The following MAPK10 variants were observed in gnomAD, a reference collection of about 807,000 sequenced individuals.
MAPK10 encodes JNK3 alpha protein kinase.
MAPK10 carries 25 observed loss-of-function variants against 59.3 expected under a neutral mutation model. The ratio of observed to expected loss-of-function variants is 0.42; its 90% CI spans 0.31 to 0.59. The LOEUF (loss-of-function observed/expected upper bound fraction) is 0.59, where lower values mean the gene tolerates loss of function less well. Among genes scored for constraint, MAPK10 ranks in the 20% least tolerant of loss-of-function variants. The probability of loss-of-function intolerance (pLI) is 0.15; values close to 1 mark genes in which losing one functional copy is unlikely to be tolerated. For synonymous variants in MAPK10, 190 were observed against 200.5 expected (o/e 0.95, Z 0.44); for missense variants, 351 against 568.9 (o/e 0.62, Z 3.90).
intron 2 of MAPK10, among the ~76,000 whole-genome samples, chr4:86,211,859 A>G (rs1026192490): frequency 6.6e-6 from 1 of 152,170 alleles, no homozygotes; most frequent in South Asian, 2.1e-4. Flanking sequence ...TACTGAAGTT[A>G]AGTTGGTATA....
In MAPK10 at chr4:86,320,761, G is replaced by C. The variant is rs6844802; in HGVS notation, c.-7+33769C>G. Among the ~76,000 whole-genome samples the C allele has an allele frequency of 9.0e-3, 1,373 of 152,238 alleles. 13 individuals are homozygous for C. Among genetic ancestry groups the C allele is most frequent in the African/African-American group, 0.031 (1,298 of 41,528 alleles). On this transcript the variant is annotated intron_variant, in intron 2 of 13. Coordinates refer to ENST00000641462, the MANE Select transcript of MAPK10 (RefSeq NM_138982.4). ...CTATGTCCTGAATGGTAATGCCTAG[G>C]TGTTCTTCTAGGGTTTTTATGGTTT...
At chr4:86,541,949 A>ACACACCGG (rs1758730242) in intron 1 of MAPK10, among the ~76,000 whole-genome samples, 1 of 13,300 alleles carries the variant, frequency 7.5e-5, no homozygotes, top group Non-Finnish European at 3.6e-4. Context: ...ATACACCGGC[A>ACACACCGG]CACACACACA....
At chr4:86,431,384 A>G (rs549012062) in intron 1 of MAPK10, among the ~76,000 whole-genome samples, 54 of 152,368 alleles carry the variant, frequency 3.5e-4, no homozygotes, top group African/African-American at 1.3e-3. Flanking sequence ...CACTTAAAAT[A>G]TTGACAACAT....
intron 1 of MAPK10, among the ~76,000 whole-genome samples, chr4:86,576,245 G>C (rs1435532316): frequency 6.6e-6 from 1 of 151,970 alleles, no homozygotes; most frequent in East Asian, 1.9e-4. Context: ...AGTGGAAAAA[G>C]ATGACATCTA....
chr4:86,018,839 A>C (rs1744757010), intron 13 of MAPK10, among the ~76,000 whole-genome samples: 2 of 152,246 alleles, frequency 1.3e-5, no homozygotes, highest in South Asian at 4.1e-4. Context: ...TATTTGGTGA[A>C]AAATAATAAC....
At chr4:86,494,180 C>T (rs149956280) in intron 1 of MAPK10, among the ~76,000 whole-genome samples, 39 of 152,264 alleles carry the variant, frequency 2.6e-4, no homozygotes, top group African/African-American at 9.1e-4. Context: ...ATTTAAAATC[C>T]TTATTTCAGA....
At chr4:86,018,975 T>C (rs1016293383) in intron 13 of MAPK10, among the ~76,000 whole-genome samples, 1 of 152,182 alleles carries the variant, frequency 6.6e-6, no homozygotes, top group Non-Finnish European at 1.5e-5. Context: ...TTCTTGCCTG[T>C]GAGAAAAGTG....
chr4:86,092,966 G>A (rs2053533653), intron 9 of MAPK10, among the ~76,000 whole-genome samples: 1 of 151,966 alleles, frequency 6.6e-6, no homozygotes, highest in Non-Finnish European at 1.5e-5. Flanking sequence ...GAAATGTTGA[G>A]TAAATTTTGG....
At chr4:86,487,474 A>G (rs570118203) in intron 1 of MAPK10, among the ~76,000 whole-genome samples, 2 of 152,154 alleles carry the variant, frequency 1.3e-5, no homozygotes, top group East Asian at 3.9e-4. Context: ...TCACACCTGT[A>G]ATCCCAGCAC....
intron 2 of MAPK10, among the ~76,000 whole-genome samples, chr4:86,238,746 G>A (rs761308225): frequency 6.6e-6 from 1 of 152,254 alleles, no homozygotes; most frequent in Non-Finnish European, 1.5e-5. Context: ...AAGTTTTTGG[G>A]CTGAGATGAT....
chr4:86,187,118 T>C (rs537446720), intron 3 of MAPK10, among the ~76,000 whole-genome samples: 75 of 152,024 alleles, frequency 4.9e-4, no homozygotes, highest in African/African-American at 1.8e-3. Flanking sequence ...AATAATACAG[T>C]AGTCTCCCCT....
chr4:86,235,725 T>C (rs564297442), intron 2 of MAPK10, among the ~76,000 whole-genome samples: 1 of 152,242 alleles, frequency 6.6e-6, no homozygotes, highest in South Asian at 2.1e-4. Flanking sequence ...TGATGACAGC[T>C]GAACAGAAAA....
chr4:86,412,953 G>C (rs1202345881), intron 1 of MAPK10, among the ~76,000 whole-genome samples: 2 of 152,172 alleles, frequency 1.3e-5, no homozygotes, highest in Non-Finnish European at 2.9e-5. Context: ...TGCTGGCAAG[G>C]AGCTGCAATC....
At chr4:86,359,088 C>T (rs193198227) in intron 1 of MAPK10, among the ~76,000 whole-genome samples, 2 of 152,150 alleles carry the variant, frequency 1.3e-5, no homozygotes, top group South Asian at 2.1e-4. Flanking sequence ...TATATAAATA[C>T]TGTTCCTTAG....
intron 4 of MAPK10, among the ~76,000 whole-genome samples, chr4:86,113,690 T>C (rs983413185): frequency 6.6e-6 from 1 of 152,140 alleles, no homozygotes; most frequent in Non-Finnish European, 1.5e-5. Context: ...ATTGTGTGTC[T>C]TGGAGTTGAT....
chr4:86,428,573 T>C (rs1579184176), intron 1 of MAPK10, among the ~76,000 whole-genome samples: 1 of 152,168 alleles, frequency 6.6e-6, no homozygotes, highest in African/African-American at 2.4e-5. Context: ...GATAGATAGA[T>C]AGATAGACAG....
At chr4:86,263,052 T>C (rs1013061124) in intron 2 of MAPK10, among the ~76,000 whole-genome samples, 1 of 152,102 alleles carries the variant, frequency 6.6e-6, no homozygotes, top group Admixed American at 6.6e-5. Context: ...GCTGCAAAGG[T>C]CACAGCTTTT....
chr4:86,201,627 C>A (rs1420136509), intron 2 of MAPK10, among the ~76,000 whole-genome samples: 1 of 151,816 alleles, frequency 6.6e-6, no homozygotes, highest in African/African-American at 2.4e-5. Context: ...CAAATATTTT[C>A]TCTCAGCCTT....
intron 1 of MAPK10, among the ~76,000 whole-genome samples, chr4:86,394,475 T>A (rs1398277027): frequency 6.6e-6 from 1 of 152,178 alleles, no homozygotes; most frequent in Non-Finnish European, 1.5e-5. Context: ...TTATTTACCC[T>A]TTGTTTAAAT....
Sources: allele counts gnomAD v4.1 joint callset (sites outside exome capture counted in the v4.1 genomes callset), GRCh38; gene constraint gnomAD v4.1.1; transcripts MANE v1.5; gene names NCBI Gene and HGNC (gene_info 2026-07-23, HGNC 2026-07-21).